The following ARHGEF26 variants were observed in gnomAD, a reference collection of about 807,000 sequenced individuals.
ARHGEF26 encodes Rho guanine nucleotide exchange factor 26, also known as Rho guanine nucleotide exchange factor (GEF) 26.
Under a neutral mutation model 89.4 loss-of-function variants are expected in ARHGEF26, and 59 were observed. The ratio of observed to expected loss-of-function variants is 0.66; its 90% CI spans 0.54 to 0.82. ARHGEF26 has a LOEUF of 0.82. Among genes scored for constraint, ARHGEF26 ranks in the 40% least tolerant of loss-of-function variants. The pLI, the probability that ARHGEF26 is intolerant of heterozygous loss-of-function variation, is 0.00. For missense variants in ARHGEF26, 1,234 were observed against 1,085.6 expected (o/e 1.14, Z -1.92); for synonymous variants, 500 against 428.4 (o/e 1.17, Z -2.06).
rs1173413711 is a variant in ARHGEF26, at chr3:154,256,422, C to T, written c.*949C>T. On this transcript the variant is annotated 3_prime_UTR_variant, in exon 15 of 15. Coordinates refer to ENST00000465093, the MANE Select transcript of ARHGEF26 (RefSeq NM_015595.4). ...ATTTTTAGTAGAGACAGGGTTTCAT[C>T]ATGTTGGCCAGGATGGTCTCTTAAC... 10 of 778,138 alleles carry T rather than the reference C, an allele frequency of 1.3e-5. No homozygotes were observed. Among genetic ancestry groups the T allele is most frequent in the Non-Finnish European group, 7.8e-6 (5 of 642,496 alleles). 48.2% of individuals were successfully genotyped at this position (778,138 alleles called of 1,614,324 possible).
chr3:154,217,196 G>C (rs1372896980), intron 9 of ARHGEF26, among the ~76,000 whole-genome samples: 1 of 149,986 alleles, frequency 6.7e-6, no homozygotes, highest in Admixed American at 6.6e-5. Flanking sequence ...TCCAGCACCT[G>C]TTGTTCCCTG....
At chr3:154,159,026 A>G (rs989117523) in intron 6 of ARHGEF26, among the ~76,000 whole-genome samples, 3 of 152,072 alleles carry the variant, frequency 2.0e-5, no homozygotes, top group Non-Finnish European at 4.4e-5. Context: ...CTGAATGTTA[A>G]CCCTTCTCCC....
chr3:154,225,850 T>C lies in ARHGEF26; in HGVS notation c.1936-6T>C. On this transcript the variant is annotated splice_polypyrimidine_tract_variant and splice_region_variant and intron_variant, in intron 10 of 14. Coordinates refer to ENST00000465093, the MANE Select transcript of ARHGEF26 (RefSeq NM_015595.4). Reference sequence around the variant, plus strand: ...CTTTGGTCACTGGGTTTTTCTCCTTTTGTAGCCTTTTCCTTTAGTCTCCTC... The same window carrying C: ...CTTTGGTCACTGGGTTTTTCTCCTTCTGTAGCCTTTTCCTTTAGTCTCCTC... 1.3e-6 allele frequency: 2 copies of C among 1,593,052 alleles called. No homozygotes were observed. Among genetic ancestry groups the C allele is most frequent in the African/African-American group, 1.4e-5 (1 of 73,338 alleles).
intron 5 of ARHGEF26, among the ~76,000 whole-genome samples, chr3:154,150,088 A>G (rs1216803715): frequency 7.1e-5 from 10 of 139,904 alleles, no homozygotes; most frequent in East Asian, 6.4e-4. Flanking sequence ...GTGTATGTCA[A>G]TGCATATACA....
At chr3:154,193,521 A>G (rs1336123455) in intron 8 of ARHGEF26, among the ~76,000 whole-genome samples, 1 of 148,880 alleles carries the variant, frequency 6.7e-6, no homozygotes, top group East Asian at 2.0e-4. Flanking sequence ...CCTCTGCCTG[A>G]TGCCTGTTGC....
At chr3:154,180,097 T>C (rs923664385) in intron 6 of ARHGEF26, among the ~76,000 whole-genome samples, 9 of 152,192 alleles carry the variant, frequency 5.9e-5, no homozygotes, top group Non-Finnish European at 1.2e-4. Flanking sequence ...CTCTGATTTC[T>C]ACTTCTCTTC....
Position 154,254,779 on chromosome 3 carries a change from C to T in ARHGEF26, c.2428C>T (p.Leu810=), listed in dbSNP as rs948921265. The T allele has an allele frequency of 8.1e-6, 13 of 1,613,808 alleles. No individual in the cohort carries two copies. The highest frequency in any genetic ancestry group is 1.1e-5 in the Non-Finnish European group (13 of 1,179,850). The change falls in exon 14 of 15, where the codon CTG becomes TTG. Residue 810 remains leucine (L), a synonymous_variant. Transcript: ENST00000465093. ...TGCTAAGCAGCCAGATGAACTCTCC[C>T]TGCAGGTGGCTGACGTCGTCCTCAT... The part of the protein sequence containing the change: ...FTAKQPDELS[L]QVADVVLIYQ...
chr3:154,221,825 C>T (rs1034401104), intron 10 of ARHGEF26, among the ~76,000 whole-genome samples: 2 of 152,086 alleles, frequency 1.3e-5, no homozygotes, highest in Non-Finnish European at 2.9e-5. Context: ...TGGGCCTTGT[C>T]GGGTTGACTG....
rs760141224 is a variant in ARHGEF26 at position 154,122,403 on chromosome 3, G to A, written c.411G>A (p.Ala137=). 13 of 1,531,736 alleles carry A rather than the reference G, an allele frequency of 8.5e-6. No individual in the cohort carries two copies. In the South Asian group the frequency reaches 1.4e-4, roughly 16 times the overall value. 94.9% of individuals were successfully genotyped at this position (1,531,736 alleles called of 1,614,324 possible). A position where few individuals can be genotyped will look rare whatever the true frequency, so the allele number is the denominator to read the frequency against. Residue 137 remains alanine, a synonymous_variant, in exon 2 of 15, where the codon GCG becomes GCA. Coordinates refer to ENST00000465093, the MANE Select transcript of ARHGEF26 (RefSeq NM_015595.4). ...CAAATGGCGCGGTGACCTTGCCTGC[G>A]CCGCCGCCGCCGCCGGTTCTGCGCC... ...SPANGAVTLP[A]PPPPPVLRPP... is the part of the protein sequence containing the mutation.
rs185630747 is a variant in ARHGEF26, at chr3:154,230,836, A to G, written c.2090+4826A>G. On this transcript the variant is annotated intron_variant, in intron 11 of 14. Coordinates refer to ENST00000465093, the MANE Select transcript of ARHGEF26 (RefSeq NM_015595.4). Reference sequence around the variant, plus strand: ...TTTTATAAAATTTTCTGTAATAGCAAACTACTAGGTCATTATCATAAGGTC... The same window carrying G: ...TTTTATAAAATTTTCTGTAATAGCAGACTACTAGGTCATTATCATAAGGTC... 3.9e-5 allele frequency among the ~76,000 whole-genome samples: 6 copies of G among 152,256 alleles called. No homozygotes were observed. The East Asian group carries it at 1.2e-3, about 29-fold the overall frequency.
chr3:154,165,149 T>G lies in ARHGEF26; in HGVS notation c.1487+12217T>G, dbSNP rs566708490. Among the ~76,000 whole-genome samples the G allele has an allele frequency of 1.8e-3, 275 of 152,282 alleles. 1 individual carries two copies. Among genetic ancestry groups the G allele is most frequent in the Non-Finnish European group, 2.6e-3 (179 of 67,996 alleles). ...GGAGGAGTTTGGTTTACCTCACTTA[T>G]GCTTATGCCATTCCTAGGGGTCACT... On this transcript the variant is annotated intron_variant, in intron 6 of 14. Coordinates refer to ENST00000465093, the MANE Select transcript of ARHGEF26 (RefSeq NM_015595.4).
chr3:154,125,981 C>A (rs1718306591), intron 3 of ARHGEF26, among the ~76,000 whole-genome samples: 1 of 152,116 alleles, frequency 6.6e-6, no homozygotes, highest in Non-Finnish European at 1.5e-5. Flanking sequence ...TCACAGGGAC[C>A]TCACTGAGCC....
At chr3:154,168,339 G>C (rs1236368437) in intron 6 of ARHGEF26, among the ~76,000 whole-genome samples, 2 of 152,146 alleles carry the variant, frequency 1.3e-5, no homozygotes, top group East Asian at 3.9e-4. Context: ...CACTTTGGAA[G>C]GTGGGGGTGG....
chr3:154,212,418 A>G (rs1345649914), intron 9 of ARHGEF26, among the ~76,000 whole-genome samples: 2 of 152,130 alleles, frequency 1.3e-5, no homozygotes, highest in African/African-American at 4.8e-5. Flanking sequence ...AAGAGACAGT[A>G]AAATGCATCA....
rs554766165 is a variant in ARHGEF26 at position 154,197,893 on chromosome 3, T to G, written c.1845+3175T>G. Among the ~76,000 whole-genome samples, 84 of 152,202 alleles carry G rather than the reference T, an allele frequency of 5.5e-4. No homozygotes were observed. The South Asian group carries it at 6.2e-3, about 11-fold the overall frequency. ...AGGAATAGTGATCAAGAGATGGTCT[T>G]ATGCCAAATGAATCTTCCCTGTTAT... On this transcript the variant is annotated intron_variant, in intron 9 of 14. Transcript: ENST00000465093.
At chr3:154,208,881 T>A (rs1389195912) in intron 9 of ARHGEF26, among the ~76,000 whole-genome samples, 4 of 149,852 alleles carry the variant, frequency 2.7e-5, no homozygotes, top group Non-Finnish European at 5.9e-5. Flanking sequence ...TTCTCATGCC[T>A]CAGCCTCCCA....
intron 1 of ARHGEF26, 142 bp from the exon 2 acceptor site, chr3:154,121,800 T>G: frequency 2.8e-6 from 2 of 723,668 alleles, no homozygotes; most frequent in Non-Finnish European, 4.3e-6. Context: ...GTGGTGCAGT[T>G]TTTGCCCGAG....
intron 9 of ARHGEF26, among the ~76,000 whole-genome samples, chr3:154,201,089 G>C (rs1276500965): frequency 1.3e-5 from 2 of 152,044 alleles, no homozygotes; most frequent in East Asian, 3.9e-4. Context: ...TGCCATGTTG[G>C]TGTGCTGCAC....
intron 11 of ARHGEF26, among the ~76,000 whole-genome samples, chr3:154,239,262 GAGAGA>G (rs1717316005): frequency 1.2e-5 from 1 of 85,144 alleles, no homozygotes; most frequent in African/African-American, 5.0e-5. Context: ...GAGAGAGAGG[GAGAGA>G]GAGAGAGAGA....
Sources: gnomAD v4.1 joint callset for allele counts (sites outside exome capture counted in the v4.1 genomes callset) on GRCh38, gnomAD v4.1.1 for gene constraint, MANE v1.5 for transcripts, NCBI Gene and HGNC (gene_info 2026-07-23, HGNC 2026-07-21) for gene names.